FSTL4: variants seen among roughly 807,000 people sequenced by gnomAD.
FSTL4 encodes the protein follistatin-related protein 4.
A neutral mutation model predicts 78.2 loss-of-function variants in FSTL4; 28 were observed. The observed-to-expected ratio is 0.36, with a 90% CI of 0.27 to 0.49. The LOEUF (loss-of-function observed/expected upper bound fraction) is 0.49. Among genes scored for constraint, FSTL4 ranks in the 20% least tolerant of loss-of-function variants. FSTL4 has a pLI of 0.98. For missense variants in FSTL4, 922 were observed against 1,084.9 expected (o/e 0.85, Z 2.11); for synonymous variants, 422 against 440.5 (o/e 0.96, Z 0.53).
At chr5:133,740,758 T>C in the FSTL4 span, among the ~76,000 whole-genome samples, 1 of 152,106 alleles carries the variant, frequency 6.6e-6, no homozygotes, top group Non-Finnish European at 1.5e-5. Flanking sequence ...GGTGTGTTGG[T>C]GCTGGATCCA....
the FSTL4 span, among the ~76,000 whole-genome samples, chr5:133,629,606 A>C: frequency 3.3e-5 from 5 of 152,236 alleles, no homozygotes; most frequent in South Asian, 1.0e-3. Context: ...AAAGTATTCC[A>C]AACAATAGAA....
chr5:133,316,388 C>T, intron 5 of FSTL4, 71 bp downstream of exon 5: 1 of 1,229,336 alleles, frequency 8.1e-7, no homozygotes, highest in Non-Finnish European at 1.2e-6. Context: ...TCTTAGACAC[C>T]AGGGGGCCGG....
chr5:133,471,302 G>T (rs1757822800), intron 3 of FSTL4, among the ~76,000 whole-genome samples: 1 of 152,218 alleles, frequency 6.6e-6, no homozygotes, highest in Non-Finnish European at 1.5e-5. Context: ...AGATAAGTGA[G>T]TGAATCAGCT....
At chr5:133,603,590 T>C (rs1184556317) in intron 2 of FSTL4, among the ~76,000 whole-genome samples, 2 of 152,242 alleles carry the variant, frequency 1.3e-5, no homozygotes, top group Admixed American at 1.3e-4. Flanking sequence ...TGAGGGTCTT[T>C]GTAGAGACTA....
rs1384022792 is a variant in FSTL4 at position 133,236,222 on chromosome 5, C to T, written c.895-2685G>A. Among the ~76,000 whole-genome samples, 1 of 147,170 alleles carries T rather than the reference C, an allele frequency of 6.8e-6. No individual in the cohort carries two copies. Among genetic ancestry groups the T allele is most frequent in the Non-Finnish European group, 1.6e-5 (1 of 64,412 alleles). ...TGGCAGGCCCTGCCCTCATCACCAC[C>T]TGTGTGGTGGTGTTTAGTCATCAGC... On this transcript the variant is annotated intron_variant, in intron 7 of 15. Transcript: ENST00000265342. The surrounding 1 kb of genome is among the most constrained non-coding windows in gnomAD (Gnocchi z 5.0).
intron 1 of FSTL4, among the ~76,000 whole-genome samples, chr5:133,610,541 G>C (rs1362459872): frequency 6.6e-6 from 1 of 152,234 alleles, no homozygotes; most frequent in African/African-American, 2.4e-5. Flanking sequence ...ACAACGCTAA[G>C]ATGGGAAGCA....
chr5:133,550,468 CACAACCCCAG>C (rs1174159088), intron 3 of FSTL4, among the ~76,000 whole-genome samples: 2 of 152,140 alleles, frequency 1.3e-5, no homozygotes, highest in African/African-American at 4.8e-5. Flanking sequence ...AATTAGAAGT[CACAACCCCAG>C]GCAACCCCAG....
intron 3 of FSTL4, among the ~76,000 whole-genome samples, chr5:133,511,410 T>C (rs1046084732): frequency 6.6e-6 from 1 of 152,108 alleles, no homozygotes; most frequent in Non-Finnish European, 1.5e-5. Flanking sequence ...CCACGATCCT[T>C]ACCATACCCA....
At chr5:133,629,092 G>A in the FSTL4 span, among the ~76,000 whole-genome samples, 1 of 150,572 alleles carries the variant, frequency 6.6e-6, no homozygotes, top group Non-Finnish European at 1.5e-5. Context: ...CATTCACTAT[G>A]ATATTGGCTG....
rs1239257271 is a variant in FSTL4, at chr5:133,540,509, T to C, written c.160+26677A>G. Among the ~76,000 whole-genome samples, 5 of 152,194 alleles carry C rather than the reference T, an allele frequency of 3.3e-5. No individual in the cohort carries two copies. The East Asian group carries it at 9.7e-4, about 29-fold the overall frequency. On this transcript the variant is annotated intron_variant, in intron 3 of 15. Transcript: ENST00000265342. Reference sequence around the variant, plus strand: ...ATGGAAGAGTCTATGATACCTTGAATATTTCTGAGGTTTTTAACAAAGAAC... The same window carrying C: ...ATGGAAGAGTCTATGATACCTTGAACATTTCTGAGGTTTTTAACAAAGAAC...
At chr5:133,524,069 G>T (rs1017603349) in intron 3 of FSTL4, among the ~76,000 whole-genome samples, 1 of 152,188 alleles carries the variant, frequency 6.6e-6, no homozygotes, top group Non-Finnish European at 1.5e-5. Flanking sequence ...CAAAAGATCC[G>T]AGGGGAGCCG....
the FSTL4 span, among the ~76,000 whole-genome samples, chr5:133,726,264 A>G: frequency 6.9e-4 from 105 of 152,316 alleles, 1 homozygote; most frequent in East Asian, 0.014. Context: ...CCACCTATCA[A>G]GACCTTACTG....
the FSTL4 span, among the ~76,000 whole-genome samples, chr5:133,732,457 A>G: frequency 6.6e-6 from 1 of 152,116 alleles, no homozygotes; most frequent in Non-Finnish European, 1.5e-5. Context: ...TGTGCCACAG[A>G]TGCTTTAATT....
chr5:133,390,933 G>A (rs970141292), intron 4 of FSTL4, among the ~76,000 whole-genome samples: 1 of 152,134 alleles, frequency 6.6e-6, no homozygotes, highest in Non-Finnish European at 1.5e-5. Flanking sequence ...GGGAACAGCC[G>A]AGCCCCCAGG....
At chr5:133,405,179 C>T (rs1417823517) in intron 3 of FSTL4, among the ~76,000 whole-genome samples, 6 of 152,242 alleles carry the variant, frequency 3.9e-5, no homozygotes, top group Non-Finnish European at 1.5e-5. Context: ...AGCACACGAC[C>T]TAGCACTGAA....
At chr5:133,591,107 G>C (rs1025332014) in intron 2 of FSTL4, among the ~76,000 whole-genome samples, 3 of 152,216 alleles carry the variant, frequency 2.0e-5, no homozygotes, top group African/African-American at 7.2e-5. Flanking sequence ...GGATGGAGGG[G>C]AGGACCAGGG....
At chr5:133,709,158 AG>A in the FSTL4 span, among the ~76,000 whole-genome samples, 1 of 152,358 alleles carries the variant, frequency 6.6e-6, no homozygotes, top group African/African-American at 2.4e-5. Context: ...CCATCTCTTC[AG>A]ATTACAGACC....
At chr5:133,547,340 G>GTAAA (rs199844160) in intron 3 of FSTL4, among the ~76,000 whole-genome samples, 3,595 of 152,234 alleles carry the variant, frequency 0.024, 62 homozygotes, top group Non-Finnish European at 0.035. Flanking sequence ...CTGCTCATAG[G>GTAAA]TAAGACTTTG....
intron 6 of FSTL4, among the ~76,000 whole-genome samples, chr5:133,263,018 C>T (rs1425501058): frequency 6.6e-6 from 1 of 152,090 alleles, no homozygotes; most frequent in Non-Finnish European, 1.5e-5. Flanking sequence ...GTGCTGGGGG[C>T]AGACTGATTG....
Sources: allele counts gnomAD v4.1 joint callset (sites outside exome capture counted in the v4.1 genomes callset), GRCh38; gene constraint gnomAD v4.1.1; non-coding constraint Gnocchi (gnomAD v3.1); transcripts MANE v1.5; gene names NCBI Gene and HGNC (gene_info 2026-07-23, HGNC 2026-07-21).